The following SIDT1 variants were observed in gnomAD, a reference collection of about 807,000 sequenced individuals.
SIDT1 encodes SID1 transmembrane family, member 1.
In SIDT1, 101 loss-of-function variants were observed where a neutral mutation model predicts 107.5. That is an observed-to-expected ratio of 0.94 (90% confidence interval 0.80 to 1.11). SIDT1 has a LOEUF of 1.11. Ranked by LOEUF, SIDT1 falls within the 50% of genes least tolerant of loss-of-function variation. The pLI, the probability that SIDT1 is intolerant of heterozygous loss-of-function variation, is 0.00. For missense variants in SIDT1, 1,076 were observed against 1,058.2 expected, an observed-to-expected ratio of 1.02 and a Z score of -0.23; for synonymous variants, 395 against 398.2, an observed-to-expected ratio of 0.99 and a Z score of 0.10.
the SIDT1 span, among the ~76,000 whole-genome samples, chr3:113,636,471 G>T: frequency 6.6e-6 from 1 of 152,112 alleles, no homozygotes; most frequent in East Asian, 1.9e-4. Context: ...TTAAAAAAAA[G>T]GTGGGGGGGA....
chr3:113,578,828 C>A (rs1395783352), intron 4 of SIDT1, among the ~76,000 whole-genome samples: 2 of 152,092 alleles, frequency 1.3e-5, no homozygotes, highest in Non-Finnish European at 2.9e-5. Flanking sequence ...GCACCCTAGC[C>A]TGGGTGACAG....
chr3:113,553,005 C>T (rs1940444511), intron 1 of SIDT1, among the ~76,000 whole-genome samples: 2 of 152,086 alleles, frequency 1.3e-5, no homozygotes, highest in African/African-American at 4.8e-5. Context: ...TTCGTGGGCC[C>T]AGACATAGGC....
chr3:113,636,223 G>A, the SIDT1 span, among the ~76,000 whole-genome samples: 1 of 152,034 alleles, frequency 6.6e-6, no homozygotes, highest in Non-Finnish European at 1.5e-5. Context: ...TGGCCAACAT[G>A]ATGAAACCCT....
chr3:113,557,242 T>C (rs937687814), intron 1 of SIDT1, among the ~76,000 whole-genome samples: 1 of 152,220 alleles, frequency 6.6e-6, no homozygotes, highest in Non-Finnish European at 1.5e-5. Flanking sequence ...AAGCTGAAGA[T>C]AAGATGACAG....
chr3:113,585,386 T>A lies in SIDT1; in HGVS notation c.1001+116T>A, dbSNP rs764148404. ...TCAAATCTCCCTCAGCCACTAGCAA[T>A]GTGACCTTGGATACCTTGTGACCTT... On this transcript the variant is annotated intron_variant, in intron 9 of 24. Transcript: ENST00000264852. 75 of 776,984 alleles carry A rather than the reference T, an allele frequency of 9.7e-5. No individual in the cohort carries two copies. In the Middle Eastern group the frequency reaches 1.7e-3, roughly 17 times the overall value. 48.1% of individuals were successfully genotyped at this position (776,984 alleles called of 1,614,324 possible). A position where few individuals can be genotyped will look rare whatever the true frequency, so the allele number is the denominator to read the frequency against.
At chr3:113,615,118 T>C in intron 19 of SIDT1, 6 of 1,534,130 alleles carry the variant, frequency 3.9e-6, no homozygotes, top group Non-Finnish European at 5.2e-6. Context: ...AGATTGTTTT[T>C]GTATCAAAGT....
intron 18 of SIDT1, 53 bp downstream of exon 18, chr3:113,611,197 C>A: frequency 6.3e-7 from 1 of 1,583,756 alleles, no homozygotes; most frequent in Non-Finnish European, 8.6e-7. Context: ...CCCCTAGGTC[C>A]AATAAACAAA....
rs769511878 is a variant in SIDT1 at position 113,583,398 on chromosome 3, G to A, written c.748-11G>A. 12 of 1,591,210 alleles carry A rather than the reference G, an allele frequency of 7.5e-6. No homozygotes were observed. Among genetic ancestry groups the A allele is most frequent in the East Asian group, 2.2e-5 (1 of 44,698 alleles). On this transcript the variant is annotated splice_polypyrimidine_tract_variant and intron_variant, in intron 6 of 24. Coordinates refer to ENST00000264852, the MANE Select transcript of SIDT1 (RefSeq NM_017699.3). The stretch of plus-strand genomic sequence containing the variant: ...TTACCGCCTATCATAAGGTTGTTAT[G>A]TCTTATGCAGAAGAAGGATTTTCCA...
At position 113,626,135 on chromosome 3, in the gene SIDT1, G is replaced by C. The variant is rs199937260; in HGVS notation, c.2341G>C (p.Glu781Gln). Residue 781 changes from glutamate (E) to glutamine (Q), a missense_variant, in exon 24 of 25, where the codon GAG (glutamate) becomes CAG (glutamine). Coordinates refer to ENST00000264852, the MANE Select transcript of SIDT1 (RefSeq NM_017699.3). ...GGCCGAATCCCGGGAGAAGAACCGC[G>C]AGTGCATTCTGCTGGATTTCTTCGA... ...TPAESREKNR[E>Q]CILLDFFDDH... 3.2e-5 allele frequency: 51 copies of C among 1,614,066 alleles called. No individual in the cohort carries two copies. The African/African-American group carries it at 6.7e-4, about 21-fold the overall frequency.
intron 1 of SIDT1, among the ~76,000 whole-genome samples, chr3:113,544,413 A>G (rs1432851357): frequency 6.6e-6 from 1 of 152,084 alleles, no homozygotes; most frequent in Non-Finnish European, 1.5e-5. Context: ...GATGGTCTCG[A>G]TCTCCTGACC....
At chr3:113,574,834 A>G (rs894771069) in intron 3 of SIDT1, among the ~76,000 whole-genome samples, 2 of 152,200 alleles carry the variant, frequency 1.3e-5, no homozygotes, top group Non-Finnish European at 2.9e-5. Flanking sequence ...AATTTTTAAA[A>G]CAAATCAGTT....
intron 1 of SIDT1, among the ~76,000 whole-genome samples, chr3:113,542,936 G>GTTTGTT (rs1458573441): frequency 1.7e-4 from 20 of 118,428 alleles, no homozygotes; most frequent in African/African-American, 5.7e-4. Flanking sequence ...GTGTGTGTGT[G>GTTTGTT]TGTTTGTTTG....
chr3:113,608,881 C>A (rs189213560), intron 17 of SIDT1, among the ~76,000 whole-genome samples: 101 of 152,250 alleles, frequency 6.6e-4, no homozygotes, highest in African/African-American at 2.3e-3. Context: ...ATCTTCCCTG[C>A]TGGTGGCAAA....
At chr3:113,616,260 C>T (rs1946096645) in intron 20 of SIDT1, 84 bp downstream of exon 20, 15 of 1,081,880 alleles carry the variant, frequency 1.4e-5, no homozygotes, top group South Asian at 5.1e-5. Flanking sequence ...CAGTCACTCA[C>T]GGCTCCTAAA....
rs191352092 is a variant in SIDT1 at position 113,611,897 on chromosome 3, T to C, written c.1858-189T>C. Among the ~76,000 whole-genome samples, 26 of 145,470 alleles carry C rather than the reference T, an allele frequency of 1.8e-4. No individual in the cohort carries two copies. In the East Asian group the frequency reaches 5.3e-3, roughly 30 times the overall value. ...TCCTATTTCCTTTTTCCATTTTCATTTGGCCCAGTAGCCTTTTTTTTTTTT... is the reference window on the plus strand; with the variant it reads ...TCCTATTTCCTTTTTCCATTTTCATCTGGCCCAGTAGCCTTTTTTTTTTTT... On this transcript the variant is annotated intron_variant, in intron 18 of 24. Transcript: ENST00000264852.
chr3:113,581,933 C>T (rs1485390422), intron 6 of SIDT1: 1 of 154,164 alleles, frequency 6.5e-6, no homozygotes, highest in East Asian at 1.9e-4. Flanking sequence ...TTCCCCTTGA[C>T]AATTATTAGG....
intron 1 of SIDT1, among the ~76,000 whole-genome samples, chr3:113,535,059 A>G (rs1014132316): frequency 1.2e-4 from 19 of 152,108 alleles, no homozygotes; most frequent in African/African-American, 3.6e-4. Flanking sequence ...ATTGCTTGAG[A>G]CCAGGAGTTC....
At chr3:113,569,544 G>A (rs901556297) in intron 3 of SIDT1, among the ~76,000 whole-genome samples, 1 of 152,002 alleles carries the variant, frequency 6.6e-6, no homozygotes, top group Non-Finnish European at 1.5e-5. Flanking sequence ...ATTTATCTTG[G>A]TCCTCTCTAC....
intron 1 of SIDT1, among the ~76,000 whole-genome samples, chr3:113,545,093 C>T (rs568617020): frequency 5.6e-5 from 7 of 124,702 alleles, no homozygotes; most frequent in Non-Finnish European, 7.8e-5. Flanking sequence ...CCAGCCCGGG[C>T]GACAGAGCGA....
Sources: allele counts gnomAD v4.1 joint callset (sites outside exome capture counted in the v4.1 genomes callset), GRCh38; gene constraint gnomAD v4.1.1; transcripts MANE v1.5; gene names NCBI Gene and HGNC (gene_info 2026-07-23, HGNC 2026-07-21).